Variants in COL22A1 observed in about 807,000 individuals in gnomAD.
COL22A1 encodes collagen alpha-1(XXII) chain.
In COL22A1, 221 loss-of-function variants were observed where a neutral mutation model predicts 248.9. The observed-to-expected ratio is 0.89, with a 90% CI of 0.80 to 0.99. The LOEUF (loss-of-function observed/expected upper bound fraction) is 0.99. Among genes scored for constraint, COL22A1 ranks in the 50% least tolerant of loss-of-function variants. The pLI is 0.00. For missense variants in COL22A1, 2,240 were observed against 2,179.0 expected, an observed-to-expected ratio of 1.03 and a Z score of -0.56; for synonymous variants, 891 against 793.4, an observed-to-expected ratio of 1.12 and a Z score of -2.07.
intron 45 of COL22A1, among the ~76,000 whole-genome samples, chr8:138,654,622 C>T (rs1823058032): frequency 6.6e-6 from 1 of 152,160 alleles, no homozygotes; most frequent in Non-Finnish European, 1.5e-5. Context: ...GTACAGACAG[C>T]AGAAGGGGCC....
In COL22A1 at chr8:138,912,133, A is replaced by C. The variant is rs534432692; in HGVS notation, c.-73+1486T>G. ...ATCTCTTCCATCAGCTCCATCAGCA[A>C]AAGAGAAAATTGAGGCTCACTGAGG... On this transcript the variant is annotated intron_variant, in intron 1 of 64. Transcript: ENST00000303045. 6.6e-5 allele frequency among the ~76,000 whole-genome samples: 10 copies of C among 152,296 alleles called. No individual in the cohort carries two copies. The East Asian group carries it at 1.9e-3, about 29-fold the overall frequency.
rs71582022 is a variant in COL22A1 at position 138,676,454 on chromosome 8, A to AAAGAAAGGAAGG, written c.3150+103_3150+104insCCTTCCTTTCTT. ...GAAAGAAAGAAAGAAAGAAAGAAAG[A>AAAGAAAGGAAGG]AAGGAAGAAAGAAAGAAAGAAAAGA... On this transcript the variant is annotated intron_variant, in intron 41 of 64. Transcript: ENST00000303045. The AAAGAAAGGAAGG allele has an allele frequency of 1.2e-3, 513 of 415,946 alleles. 8 individuals carry two copies. Among genetic ancestry groups the AAAGAAAGGAAGG allele is most frequent in the African/African-American group, 9.4e-3 (412 of 43,672 alleles). 25.8% of individuals were successfully genotyped at this position (415,946 alleles called of 1,614,324 possible).
At chr8:138,837,584 G>T (rs1820532046) in intron 4 of COL22A1, among the ~76,000 whole-genome samples, 1 of 152,186 alleles carries the variant, frequency 6.6e-6, no homozygotes, top group Admixed American at 6.5e-5. Context: ...TGTTGGAACT[G>T]ACTGGGCCCC....
chr8:138,800,482 A>G (rs377745331), intron 11 of COL22A1, among the ~76,000 whole-genome samples: 2 of 152,130 alleles, frequency 1.3e-5, no homozygotes, highest in Non-Finnish European at 2.9e-5. Flanking sequence ...TACAGATATT[A>G]TTTTTATATC....
chr8:138,787,315 G>C (rs568096202), intron 12 of COL22A1, among the ~76,000 whole-genome samples: 7 of 152,214 alleles, frequency 4.6e-5, no homozygotes, highest in Admixed American at 2.6e-4. Context: ...AGAAGAGAGA[G>C]AAAGAGAAGG....
intron 1 of COL22A1, among the ~76,000 whole-genome samples, chr8:138,904,258 G>A (rs575361937): frequency 3.9e-5 from 6 of 152,152 alleles, no homozygotes; most frequent in Admixed American, 6.5e-5. Context: ...TGACAACTCA[G>A]TTTAGATATG....
At chr8:138,609,632 C>T (rs1005002162) in intron 56 of COL22A1, among the ~76,000 whole-genome samples, 10 of 152,180 alleles carry the variant, frequency 6.6e-5, no homozygotes, top group African/African-American at 2.2e-4. Flanking sequence ...CATCTGTGTC[C>T]CTCTAAAAAT....
intron 7 of COL22A1, among the ~76,000 whole-genome samples, chr8:138,814,035 C>A (rs113911372): frequency 0.017 from 2,515 of 152,354 alleles, 63 homozygotes; most frequent in African/African-American, 0.058. Flanking sequence ...CTAAAACATC[C>A]ACATGCATGA....
chr8:138,876,110 G>T (rs919213441), intron 3 of COL22A1, among the ~76,000 whole-genome samples: 1 of 151,824 alleles, frequency 6.6e-6, no homozygotes, highest in African/African-American at 2.4e-5. Flanking sequence ...AGCACACAAG[G>T]CCCCCCTTTA....
intron 49 of COL22A1, among the ~76,000 whole-genome samples, chr8:138,633,693 C>T (rs547436840): frequency 3.1e-4 from 47 of 152,300 alleles, no homozygotes; most frequent in African/African-American, 1.0e-3. Context: ...TACTACTGAT[C>T]GTATCAGCAT....
At chr8:138,903,731 T>A (rs1814791132) in intron 1 of COL22A1, among the ~76,000 whole-genome samples, 1 of 152,196 alleles carries the variant, frequency 6.6e-6, no homozygotes, top group Non-Finnish European at 1.5e-5. Flanking sequence ...CATGGAAGAA[T>A]ACCCTGCTTT....
intron 46 of COL22A1, 45 bp from the exon 47 acceptor site, chr8:138,646,727 T>C: frequency 7.1e-7 from 1 of 1,404,816 alleles, no homozygotes; most frequent in Non-Finnish European, 9.7e-7. Flanking sequence ...AGAATGAGTA[T>C]CAGGCCCACA....
chr8:138,913,075 G>A (rs1214535553), intron 1 of COL22A1, among the ~76,000 whole-genome samples: 5 of 75,170 alleles, frequency 6.7e-5, no homozygotes, highest in African/African-American at 2.1e-4. Flanking sequence ...GCTGGGAGAG[G>A]GGGGATAAAA....
chr8:138,718,390 T>A (rs953435133), intron 27 of COL22A1, among the ~76,000 whole-genome samples: 1 of 152,148 alleles, frequency 6.6e-6, no homozygotes, highest in Non-Finnish European at 1.5e-5. Context: ...TGAGAAAGGA[T>A]AAGGGGCTGA....
chr8:138,716,995 G>A (rs1194683732), intron 27 of COL22A1, 126 bp from the exon 28 acceptor site: 5 of 763,978 alleles, frequency 6.5e-6, no homozygotes, highest in Non-Finnish European at 9.2e-6. Context: ...CAAATATACG[G>A]CATGGTTAGA....
At chr8:138,801,296 A>G (rs1172072602) in intron 11 of COL22A1, among the ~76,000 whole-genome samples, 1 of 152,164 alleles carries the variant, frequency 6.6e-6, no homozygotes. Context: ...TGTCATTCCC[A>G]TTAGAGACGT....
intron 36 of COL22A1, among the ~76,000 whole-genome samples, chr8:138,689,205 G>A (rs915658328): frequency 1.3e-5 from 2 of 151,844 alleles, no homozygotes; most frequent in Non-Finnish European, 2.9e-5. Context: ...GCTCTTAACA[G>A]CAGGCATGGT....
intron 18 of COL22A1, 129 bp from the exon 19 acceptor site, chr8:138,755,958 T>C (rs181700657): frequency 9.7e-5 from 72 of 744,402 alleles, no homozygotes; most frequent in Middle Eastern, 2.5e-4. Context: ...CACACATATC[T>C]TCGTCTTGCC....
chr8:138,767,338 G>T (rs1326726870), intron 16 of COL22A1, among the ~76,000 whole-genome samples: 1 of 152,182 alleles, frequency 6.6e-6, no homozygotes. Context: ...GGAAGGGACA[G>T]GTGCTGGGGA....
Sources: gnomAD v4.1 joint callset for allele counts (sites outside exome capture counted in the v4.1 genomes callset) on GRCh38, gnomAD v4.1.1 for gene constraint, MANE v1.5 for transcripts, NCBI Gene and HGNC (gene_info 2026-07-23, HGNC 2026-07-21) for gene names.